PTPRD: variants seen among roughly 807,000 people sequenced by gnomAD.
PTPRD encodes the protein protein tyrosine phosphatase receptor type D, also known as receptor-type tyrosine-protein phosphatase delta.
PTPRD carries 34 observed loss-of-function variants against 214.5 expected under a neutral mutation model. The ratio of observed to expected loss-of-function variants is 0.16; its 90% CI spans 0.12 to 0.21. The LOEUF (loss-of-function observed/expected upper bound fraction) is 0.21. Among genes scored for constraint, PTPRD ranks in the 10% least tolerant of loss-of-function variants. The pLI is 1.00. For missense variants in PTPRD, 2,545 were observed against 2,398.7 expected, an observed-to-expected ratio of 1.06 and a Z score of -1.27; for synonymous variants, 1,128 against 845.7, an observed-to-expected ratio of 1.33 and a Z score of -5.79.
At position 10,350,560 on chromosome 9, in the gene PTPRD, T is replaced by C. The variant is rs537977143; in HGVS notation, c.-599-9543A>G. On this transcript the variant is annotated intron_variant, in intron 2 of 45. Transcript: ENST00000381196. Reference sequence around the variant, plus strand: ...TCCTCATTACAATATACAAAACATATTGTCATTATTTCTATTTTACAGATG... The same window carrying C: ...TCCTCATTACAATATACAAAACATACTGTCATTATTTCTATTTTACAGATG... 2.6e-5 allele frequency among the ~76,000 whole-genome samples: 4 copies of C among 152,268 alleles called. No individual in the cohort carries two copies. The South Asian group carries it at 6.2e-4, about 24-fold the overall frequency.
At chr9:10,558,685 T>A (rs1014921299) in intron 2 of PTPRD, among the ~76,000 whole-genome samples, 4 of 152,308 alleles carry the variant, frequency 2.6e-5, no homozygotes, top group South Asian at 4.1e-4. Context: ...AGTTTCTTTT[T>A]TATTTTTGTA....
intron 43 of PTPRD, 132 bp downstream of exon 43, chr9:8,338,790 T>G: frequency 1.3e-6 from 1 of 790,958 alleles, no homozygotes. Flanking sequence ...AAAAAAAACG[T>G]TCTCCAGAAT....
chr9:8,568,105 A>G (rs187147907), intron 14 of PTPRD, among the ~76,000 whole-genome samples: 70 of 152,292 alleles, frequency 4.6e-4, no homozygotes, highest in African/African-American at 1.6e-3. Context: ...TATATTCTAA[A>G]TACTGCAAAT....
intron 4 of PTPRD, among the ~76,000 whole-genome samples, chr9:9,947,946 T>C (rs1460086901): frequency 6.6e-6 from 1 of 151,934 alleles, no homozygotes; most frequent in East Asian, 1.9e-4. Flanking sequence ...TTCATTTGTC[T>C]AGAAGTTATC....
intron 3 of PTPRD, among the ~76,000 whole-genome samples, chr9:10,144,702 G>A (rs1307808484): frequency 1.3e-5 from 2 of 152,012 alleles, no homozygotes; most frequent in Non-Finnish European, 2.9e-5. Flanking sequence ...GACTAGCTTC[G>A]TTAGATATTA....
At chr9:8,575,510 A>T (rs2092198855) in intron 14 of PTPRD, among the ~76,000 whole-genome samples, 1 of 152,152 alleles carries the variant, frequency 6.6e-6, no homozygotes, top group Non-Finnish European at 1.5e-5. Context: ...GCTAGTAAGT[A>T]TCCTTCGTTA....
intron 10 of PTPRD, among the ~76,000 whole-genome samples, chr9:9,162,645 G>C (rs559524918): frequency 6.6e-5 from 10 of 152,042 alleles, no homozygotes; most frequent in African/African-American, 2.2e-4. Flanking sequence ...AATCTCATTA[G>C]AATTTCATCA....
chr9:10,119,387 T>G (rs1026202099), intron 3 of PTPRD, among the ~76,000 whole-genome samples: 1 of 152,158 alleles, frequency 6.6e-6, no homozygotes, highest in African/African-American at 2.4e-5. Context: ...TCACATCTGT[T>G]GAGAATCTTT....
chr9:9,644,389 A>G (rs953082946), intron 7 of PTPRD, among the ~76,000 whole-genome samples: 2 of 152,190 alleles, frequency 1.3e-5, no homozygotes, highest in African/African-American at 4.8e-5. Context: ...CAATCATGAC[A>G]ATCATATGAA....
intron 3 of PTPRD, among the ~76,000 whole-genome samples, chr9:10,291,970 A>G (rs929181597): frequency 6.6e-6 from 1 of 151,960 alleles, no homozygotes; most frequent in Non-Finnish European, 1.5e-5. Flanking sequence ...ATGGGTTTAC[A>G]TTTTTGCTGA....
intron 11 of PTPRD, among the ~76,000 whole-genome samples, chr9:8,792,277 C>G (rs1428630021): frequency 6.6e-6 from 1 of 152,074 alleles, no homozygotes. Context: ...TAAGATGTCT[C>G]CACAAATTGG....
chr9:10,441,461 T>C (rs2098757764), intron 2 of PTPRD, among the ~76,000 whole-genome samples: 1 of 151,724 alleles, frequency 6.6e-6, no homozygotes, highest in Non-Finnish European at 1.5e-5. Context: ...TTTTCTTCCC[T>C]TTGACACCGA....
intron 2 of PTPRD, among the ~76,000 whole-genome samples, chr9:10,426,916 A>T (rs1177968540): frequency 6.6e-6 from 1 of 152,068 alleles, no homozygotes; most frequent in African/African-American, 2.4e-5. Flanking sequence ...TCAAAGGTAA[A>T]CACATTTTTC....
intron 9 of PTPRD, among the ~76,000 whole-genome samples, chr9:9,237,837 T>A (rs1048548530): frequency 6.6e-6 from 1 of 152,156 alleles, no homozygotes; most frequent in African/African-American, 2.4e-5. Context: ...CTTGTTGCCA[T>A]GATTTTTGAT....
chr9:10,313,419 A>ACACACACACACACACACAC lies in PTPRD; in HGVS notation c.-545+27543_-545+27544insGTGTGTGTGTGTGTGTGTG, dbSNP rs1565224241. Among the ~76,000 whole-genome samples, 8 of 91,906 alleles carry ACACACACACACACACACAC rather than the reference A, an allele frequency of 8.7e-5. 1 individual carries two copies. In the Middle Eastern group the frequency reaches 0.015, roughly 176 times the overall value. 60.3% of individuals were successfully genotyped at this position (91,906 alleles called of 152,430 possible). Reference sequence around the variant, plus strand: ...GATTACACACACACACACACACACAAATTTTTAAAAAGTCCCTAATACTCC... The same window carrying ACACACACACACACACACAC: ...GATTACACACACACACACACACACAACACACACACACACACACACATTTTTAAAAAGTCCCTAATACTCC... On this transcript the variant is annotated intron_variant, in intron 3 of 45. Transcript: ENST00000381196.
chr9:9,539,044 T>G (rs1375398288), intron 8 of PTPRD, among the ~76,000 whole-genome samples: 1 of 151,730 alleles, frequency 6.6e-6, no homozygotes, highest in African/African-American at 2.4e-5. Flanking sequence ...AGACAAAAAT[T>G]AAAAAAGAGA....
intron 4 of PTPRD, among the ~76,000 whole-genome samples, chr9:9,964,217 G>C (rs1419548818): frequency 6.6e-6 from 1 of 152,148 alleles, no homozygotes; most frequent in Non-Finnish European, 1.5e-5. Flanking sequence ...AGTCAATACT[G>C]AATTTAGTTT....
rs202049129 is a variant in PTPRD, at chr9:10,266,282, GA to G, written c.-545+74680del. Among the ~76,000 whole-genome samples the G allele has an allele frequency of 1.7e-4, 25 of 148,048 alleles. 1 individual carries two copies. The highest frequency in any genetic ancestry group is 3.9e-4 in the East Asian group (2 of 5,086). ...AAGAATTAAAATAGCCCTTGAAAAT[GA>G]AAAAAAAAATTGCAAGTATCTTAGT... On this transcript the variant is annotated intron_variant, in intron 3 of 45. Transcript: ENST00000381196.
chr9:9,543,867 T>G (rs187026403), intron 8 of PTPRD, among the ~76,000 whole-genome samples: 1 of 151,828 alleles, frequency 6.6e-6, no homozygotes, highest in Admixed American at 6.6e-5. Flanking sequence ...TAACTATTGT[T>G]AAAACAATTT....
Sources: gnomAD v4.1 joint callset for allele counts (sites outside exome capture counted in the v4.1 genomes callset) on GRCh38, gnomAD v4.1.1 for gene constraint, MANE v1.5 for transcripts, NCBI Gene and HGNC (gene_info 2026-07-23, HGNC 2026-07-21) for gene names.